The following MARCHF1 variants were observed in gnomAD, a reference collection of about 807,000 sequenced individuals.
MARCHF1 encodes E3 ubiquitin-protein ligase MARCHF1.
MARCHF1 carries 40 observed loss-of-function variants against 54.2 expected under a neutral mutation model. The ratio of observed to expected loss-of-function variants is 0.74; its 90% CI spans 0.57 to 0.96. MARCHF1 has a LOEUF of 0.96. Among genes scored for constraint, MARCHF1 ranks in the 40% least tolerant of loss-of-function variants. The pLI is 0.00. For missense variants in MARCHF1, 586 were observed against 656.5 expected (o/e 0.89, Z 1.17); for synonymous variants, 236 against 236.3 (o/e 1.00, Z 0.01).
chr4:163,836,056 C>A, intron 4 of MARCHF1, among the ~76,000 whole-genome samples: 1 of 151,996 alleles, frequency 6.6e-6, no homozygotes, highest in African/African-American at 2.4e-5. Context: ...GATGGGCAAC[C>A]TGGGATGGTA....
chr4:164,338,864 T>A (rs1579733011), intron 1 of MARCHF1, among the ~76,000 whole-genome samples: 7 of 151,940 alleles, frequency 4.6e-5, no homozygotes, highest in Admixed American at 4.6e-4. Flanking sequence ...CCCAGCTACT[T>A]GGGAGGCTGA....
chr4:164,201,017 C>G (rs551708754), intron 1 of MARCHF1, among the ~76,000 whole-genome samples: 2 of 152,244 alleles, frequency 1.3e-5, no homozygotes, highest in Admixed American at 1.3e-4. Flanking sequence ...GAAAGAAAAT[C>G]AGGTCGACTT....
At chr4:163,849,787 G>A (rs1466471165) in intron 4 of MARCHF1, among the ~76,000 whole-genome samples, 1 of 152,104 alleles carries the variant, frequency 6.6e-6, no homozygotes, top group Admixed American at 6.6e-5. Flanking sequence ...TGGTTGGAGT[G>A]TCAAATTATC....
At chr4:163,967,192 G>T (rs1752458946) in intron 3 of MARCHF1, among the ~76,000 whole-genome samples, 1 of 152,098 alleles carries the variant, frequency 6.6e-6, no homozygotes, top group Non-Finnish European at 1.5e-5. Flanking sequence ...TTCCAATAAG[G>T]CAGTGGGAAG....
intron 4 of MARCHF1, among the ~76,000 whole-genome samples, chr4:163,769,242 C>G (rs1268669951): frequency 6.6e-6 from 1 of 152,066 alleles, no homozygotes; most frequent in Non-Finnish European, 1.5e-5. Flanking sequence ...AATAATTTAC[C>G]AAACAGGGTT....
At chr4:164,143,337 C>A (rs1162704809) in intron 1 of MARCHF1, among the ~76,000 whole-genome samples, 7 of 139,104 alleles carry the variant, frequency 5.0e-5, no homozygotes, top group African/African-American at 7.9e-5. Context: ...CAAAGATACT[C>A]CTCGAGAAGA....
intron 4 of MARCHF1, among the ~76,000 whole-genome samples, chr4:163,784,140 C>CT (rs397796838): frequency 0.32 from 45,676 of 142,944 alleles, 7,965 homozygotes; most frequent in Non-Finnish European, 0.43. Context: ...AGCAGAAATT[C>CT]TTTTTTTTTT....
intron 2 of MARCHF1, 147 bp from the exon 3 acceptor site, chr4:163,988,856 A>G (rs901322017): frequency 1.3e-5 from 2 of 152,234 alleles, no homozygotes; most frequent in African/African-American, 4.8e-5. Flanking sequence ...CCAAAGGATG[A>G]TTTACTGCAA....
At chr4:164,133,716 T>A (rs1008807584) in intron 1 of MARCHF1, among the ~76,000 whole-genome samples, 1 of 152,154 alleles carries the variant, frequency 6.6e-6, no homozygotes, top group Non-Finnish European at 1.5e-5. Context: ...GAACTAAAAC[T>A]CTTAAAATTT....
At chr4:164,332,688 G>A (rs952033214) in intron 1 of MARCHF1, among the ~76,000 whole-genome samples, 1 of 152,154 alleles carries the variant, frequency 6.6e-6, no homozygotes, top group African/African-American at 2.4e-5. Flanking sequence ...AGAACTCAAT[G>A]CAACTGGTGT....
chr4:164,060,838 A>G (rs1365698683), intron 2 of MARCHF1, among the ~76,000 whole-genome samples: 1 of 152,184 alleles, frequency 6.6e-6, no homozygotes, highest in Non-Finnish European at 1.5e-5. Context: ...CTTCTGTACC[A>G]TGTATTATTA....
At chr4:163,812,497 C>T (rs1748420305) in intron 4 of MARCHF1, among the ~76,000 whole-genome samples, 2 of 152,154 alleles carry the variant, frequency 1.3e-5, no homozygotes, top group African/African-American at 4.8e-5. Flanking sequence ...GTGGCTCACA[C>T]CTGTAATCCC....
At chr4:163,930,095 A>G (rs1051854286) in intron 3 of MARCHF1, among the ~76,000 whole-genome samples, 1 of 148,012 alleles carries the variant, frequency 6.8e-6, no homozygotes, top group Non-Finnish European at 1.5e-5. Context: ...ATTAATAGAT[A>G]AAATGGAAAT....
chr4:164,083,830 A>G (rs1012279105), intron 2 of MARCHF1, among the ~76,000 whole-genome samples: 2 of 152,094 alleles, frequency 1.3e-5, no homozygotes, highest in African/African-American at 4.8e-5. Context: ...CTCCAACACT[A>G]CAATATTATA....
At chr4:163,921,463 G>T (rs2111364077) in intron 3 of MARCHF1, among the ~76,000 whole-genome samples, 2 of 152,154 alleles carry the variant, frequency 1.3e-5, no homozygotes, top group East Asian at 3.9e-4. Flanking sequence ...TAGACTCTAA[G>T]AAATTAAAAA....
At chr4:164,184,494 C>T (rs1730915112) in intron 1 of MARCHF1, among the ~76,000 whole-genome samples, 1 of 152,148 alleles carries the variant, frequency 6.6e-6, no homozygotes, top group Non-Finnish European at 1.5e-5. Flanking sequence ...CAAAAGGATA[C>T]ACTCTGCACT....
chr4:164,350,803 C>G (rs1403040637), intron 1 of MARCHF1, among the ~76,000 whole-genome samples: 1 of 152,102 alleles, frequency 6.6e-6, no homozygotes, highest in African/African-American at 2.4e-5. Context: ...CAGCTCCCAG[C>G]GTGAGCGACG....
chr4:163,907,004 T>C (rs1026045256), intron 3 of MARCHF1, among the ~76,000 whole-genome samples: 3 of 152,074 alleles, frequency 2.0e-5, no homozygotes, highest in Non-Finnish European at 2.9e-5. Flanking sequence ...ACATATGTGA[T>C]GCATTCCTTT....
intron 1 of MARCHF1, among the ~76,000 whole-genome samples, chr4:164,288,987 T>TA (rs552364027): frequency 2.4e-4 from 36 of 152,256 alleles, no homozygotes; most frequent in African/African-American, 8.4e-4. Context: ...ATTGACTATG[T>TA]AAAAAATCCT....
Sources: gnomAD v4.1 joint callset for allele counts (sites outside exome capture counted in the v4.1 genomes callset) on GRCh38, gnomAD v4.1.1 for gene constraint, MANE v1.5 for transcripts, NCBI Gene and HGNC (gene_info 2026-07-23, HGNC 2026-07-21) for gene names.